GALNT2: variants seen among roughly 807,000 people sequenced by gnomAD.
GALNT2 encodes UDP-GalNAc:polypeptide N-acetylgalactosaminyltransferase 2.
In GALNT2, 31 loss-of-function variants were observed where a neutral mutation model predicts 81.4. The ratio of observed to expected loss-of-function variants is 0.38; its 90% CI spans 0.29 to 0.51. GALNT2 has a LOEUF of 0.51. Ranked by LOEUF, GALNT2 falls within the 20% of genes least tolerant of loss-of-function variation. The pLI is 0.87. For synonymous variants in GALNT2, 303 were observed against 287.4 expected, an observed-to-expected ratio of 1.05 and a Z score of -0.55; for missense variants, 629 against 765.7, an observed-to-expected ratio of 0.82 and a Z score of 2.11.
chr1:230,110,983 C>A (rs899588049), intron 1 of GALNT2, among the ~76,000 whole-genome samples: 2 of 152,142 alleles, frequency 1.3e-5, no homozygotes, highest in Admixed American at 6.5e-5. Context: ...GTTGTTCATA[C>A]CTGACTTGCA....
At chr1:230,145,213 CCT>C (rs548521514) in intron 1 of GALNT2, among the ~76,000 whole-genome samples, 275 of 152,276 alleles carry the variant, frequency 1.8e-3, no homozygotes, top group Non-Finnish European at 2.7e-3. Flanking sequence ...CAGATCGCCC[CCT>C]GTGTTGCTTG....
At chr1:230,244,811 CT>C (rs1665313908) in intron 7 of GALNT2, among the ~76,000 whole-genome samples, 1 of 152,206 alleles carries the variant, frequency 6.6e-6, no homozygotes, top group African/African-American at 2.4e-5. Context: ...CTACTTTTCC[CT>C]GTAGATTTGC....
intron 11 of GALNT2, among the ~76,000 whole-genome samples, chr1:230,256,451 A>C (rs1192002502): frequency 1.3e-5 from 2 of 152,104 alleles, no homozygotes; most frequent in South Asian, 2.1e-4. Context: ...GTCTCAAAAA[A>C]AAAAAAAAAA....
intron 1 of GALNT2, among the ~76,000 whole-genome samples, chr1:230,150,979 G>A (rs1375301339): frequency 6.6e-6 from 1 of 152,198 alleles, no homozygotes; most frequent in African/African-American, 2.4e-5. Flanking sequence ...CTCAGGACGA[G>A]GCTGGTGCAC....
intron 3 of GALNT2, among the ~76,000 whole-genome samples, chr1:230,218,999 T>G (rs1354978903): frequency 6.6e-6 from 1 of 152,232 alleles, no homozygotes. Flanking sequence ...GTGTGCTCCT[T>G]ATTAGAATCT....
chr1:230,202,204 T>C (rs1432869775), intron 2 of GALNT2, among the ~76,000 whole-genome samples: 11 of 152,206 alleles, frequency 7.2e-5, no homozygotes, highest in Non-Finnish European at 1.3e-4. Context: ...CACAGAATCA[T>C]AAATGTTCTC....
chr1:230,133,100 A>G (rs1336983119), intron 1 of GALNT2, among the ~76,000 whole-genome samples: 2 of 152,114 alleles, frequency 1.3e-5, no homozygotes, highest in Admixed American at 1.3e-4. Context: ...ACTATATTGT[A>G]TTTTTACATG....
At chr1:230,229,232 T>C (rs1664802878) in intron 3 of GALNT2, among the ~76,000 whole-genome samples, 1 of 152,152 alleles carries the variant, frequency 6.6e-6, no homozygotes, top group African/African-American at 2.4e-5. Flanking sequence ...GCATATAAAT[T>C]CCTACAGCCA....
chr1:230,277,088 C>T (rs12748964), intron 15 of GALNT2, among the ~76,000 whole-genome samples: 8,561 of 152,296 alleles, frequency 0.056, 485 homozygotes, highest in East Asian at 0.3. Context: ...ATAACTGACA[C>T]GGCTTAGGAC....
intron 2 of GALNT2, among the ~76,000 whole-genome samples, chr1:230,195,747 C>T (rs1476651304): frequency 7.2e-5 from 11 of 152,086 alleles, no homozygotes; most frequent in Non-Finnish European, 7.4e-5. Context: ...TGTGCCCGCA[C>T]CGCCACAGAT....
intron 3 of GALNT2, among the ~76,000 whole-genome samples, chr1:230,208,536 A>G (rs1484529234): frequency 6.6e-6 from 1 of 152,238 alleles, no homozygotes; most frequent in African/African-American, 2.4e-5. Context: ...GGAAATGTTC[A>G]GCGTATGGAT....
At chr1:230,121,147 T>G (rs898433135) in intron 1 of GALNT2, among the ~76,000 whole-genome samples, 2 of 152,218 alleles carry the variant, frequency 1.3e-5, no homozygotes, top group Non-Finnish European at 2.9e-5. Context: ...ATAGAGCCAC[T>G]TCCTTGTTGA....
At chr1:230,263,193 G>C (rs7518564) in intron 13 of GALNT2, 188 bp downstream of exon 13, 470,115 of 593,096 alleles carry the variant, frequency 0.79, 188,743 homozygotes, top group East Asian at 0.98. Flanking sequence ...GCCTGCTGCT[G>C]TCTCTGTCCT....
intron 15 of GALNT2, among the ~76,000 whole-genome samples, chr1:230,276,134 A>G (rs542494052): frequency 6.6e-6 from 1 of 152,022 alleles, no homozygotes; most frequent in South Asian, 2.1e-4. Flanking sequence ...AGATATATAC[A>G]TATATATACA....
intron 1 of GALNT2, among the ~76,000 whole-genome samples, chr1:230,124,718 C>T (rs770704083): frequency 6.6e-6 from 1 of 152,166 alleles, no homozygotes; most frequent in Non-Finnish European, 1.5e-5. Flanking sequence ...CTTCTTTTGG[C>T]CTGAGTCCTT....
rs564515106 is a variant in GALNT2, at chr1:230,156,259, G to T, written c.127-21959G>T. Among the ~76,000 whole-genome samples the T allele has an allele frequency of 2.6e-5, 4 of 152,058 alleles. No homozygotes were observed. The South Asian group carries it at 8.3e-4, about 32-fold the overall frequency. ...AGAGAGAGAGAGTGTGTGTGTGTGT[G>T]TGTGTGTGTTTTACAGCAAAGACCT... On this transcript the variant is annotated intron_variant, in intron 1 of 15. Transcript: ENST00000366672.
intron 1 of GALNT2, among the ~76,000 whole-genome samples, chr1:230,146,124 C>T (rs2102829925): frequency 6.6e-6 from 1 of 152,290 alleles, no homozygotes; most frequent in Middle Eastern, 3.4e-3. Context: ...CTTCTTCCTC[C>T]TGGGTTAGGA....
At chr1:230,270,824 G>A (rs181996826) in intron 14 of GALNT2, among the ~76,000 whole-genome samples, 3 of 152,112 alleles carry the variant, frequency 2.0e-5, no homozygotes, top group African/African-American at 7.2e-5. Flanking sequence ...GCTCAAAAAA[G>A]CATTTCTTAA....
At chr1:230,061,454 T>C (rs916891841) in intron 1 of GALNT2, among the ~76,000 whole-genome samples, 2 of 152,214 alleles carry the variant, frequency 1.3e-5, no homozygotes, top group African/African-American at 4.8e-5. Context: ...TAAAATTCTT[T>C]CCAGTTCTAG....
Sources: gnomAD v4.1 joint callset for allele counts (sites outside exome capture counted in the v4.1 genomes callset) on GRCh38, gnomAD v4.1.1 for gene constraint, MANE v1.5 for transcripts, NCBI Gene and HGNC (gene_info 2026-07-23, HGNC 2026-07-21) for gene names.